PELI2: variants seen among roughly 807,000 people sequenced by gnomAD.
PELI2 encodes E3 ubiquitin-protein ligase pellino homolog 2.
Under a neutral mutation model 42.3 loss-of-function variants are expected in PELI2, and 23 were observed. The ratio of observed to expected loss-of-function variants is 0.54; its 90% CI spans 0.39 to 0.77. The LOEUF is 0.77. Ranked by LOEUF, PELI2 falls within the 30% of genes least tolerant of loss-of-function variation. The probability of loss-of-function intolerance (pLI) is 0.00; values close to 1 mark genes in which losing one functional copy is unlikely to be tolerated. For synonymous variants in PELI2, 245 were observed against 212.2 expected (o/e 1.15, Z -1.34); for missense variants, 463 against 553.2 (o/e 0.84, Z 1.64).
intron 2 of PELI2, among the ~76,000 whole-genome samples, chr14:56,276,798 C>CTA (rs754584419): frequency 3.2e-4 from 48 of 152,180 alleles, no homozygotes; most frequent in Non-Finnish European, 5.4e-4. Context: ...TTCCCCTTTC[C>CTA]TAACCCTGGC....
At chr14:56,185,435 C>A (rs189488238) in intron 2 of PELI2, among the ~76,000 whole-genome samples, 23 of 152,230 alleles carry the variant, frequency 1.5e-4, no homozygotes, top group Admixed American at 7.8e-4. Context: ...TTCAAACCAC[C>A]TAAGTAAAAT....
At chr14:56,161,754 T>C (rs1884773553) in intron 1 of PELI2, among the ~76,000 whole-genome samples, 1 of 152,234 alleles carries the variant, frequency 6.6e-6, no homozygotes, top group African/African-American at 2.4e-5. Context: ...AGTTATATCT[T>C]AAGCAGCTAC....
At chr14:56,228,650 A>C (rs774148704) in intron 2 of PELI2, among the ~76,000 whole-genome samples, 19 of 152,236 alleles carry the variant, frequency 1.2e-4, no homozygotes, top group Non-Finnish European at 2.1e-4. Flanking sequence ...AGATGGCTGA[A>C]TAGGAACAGT....
At chr14:56,294,561 C>T (rs1889936870) in intron 5 of PELI2, among the ~76,000 whole-genome samples, 1 of 152,230 alleles carries the variant, frequency 6.6e-6, no homozygotes, top group Non-Finnish European at 1.5e-5. Flanking sequence ...GCTTCCCATA[C>T]CTCTCTCTTT....
chr14:56,231,588 C>T (rs1437356570), intron 2 of PELI2, among the ~76,000 whole-genome samples: 1 of 152,208 alleles, frequency 6.6e-6, no homozygotes, highest in Non-Finnish European at 1.5e-5. Flanking sequence ...ATACCAGAAT[C>T]TCTGGGACAC....
rs1888884306 is a variant in PELI2 at position 56,265,839 on chromosome 14, A to G, written c.208-13837A>G. Among the ~76,000 whole-genome samples the G allele has an allele frequency of 2.0e-5, 3 of 152,084 alleles. 1 individual carries two copies. Among genetic ancestry groups the G allele is most frequent in the Admixed American group, 1.3e-4 (2 of 15,276 alleles). On this transcript the variant is annotated intron_variant, in intron 2 of 5. Transcript: ENST00000267460. Reference sequence around the variant, plus strand: ...TATAGATGTCATATTTACATATGAAAATATTATCAGCCTCATTAATCATTA... The same window carrying G: ...TATAGATGTCATATTTACATATGAAGATATTATCAGCCTCATTAATCATTA...
intron 2 of PELI2, among the ~76,000 whole-genome samples, chr14:56,186,879 C>G (rs1057011887): frequency 6.6e-6 from 1 of 152,150 alleles, no homozygotes; most frequent in African/African-American, 2.4e-5. Flanking sequence ...ATAGTTCTAT[C>G]TGCATTTATA....
intron 3 of PELI2, among the ~76,000 whole-genome samples, chr14:56,287,863 G>C (rs1889695713): frequency 6.6e-6 from 1 of 152,144 alleles, no homozygotes; most frequent in South Asian, 2.1e-4. Context: ...AGAACTTTGA[G>C]ACCAGAATAA....
chr14:56,218,702 CGT>C (rs111825772), intron 2 of PELI2, among the ~76,000 whole-genome samples: 57,373 of 149,394 alleles, frequency 0.38, 11,513 homozygotes, highest in South Asian at 0.52. Flanking sequence ...CACATGTGTG[CGT>C]GTGTGTGTGT....
intron 2 of PELI2, among the ~76,000 whole-genome samples, chr14:56,231,881 A>G (rs1224614940): frequency 6.6e-6 from 1 of 152,254 alleles, no homozygotes; most frequent in East Asian, 1.9e-4. Flanking sequence ...TAAAGAAGAA[A>G]AGAGAGAAGA....
At chr14:56,125,072 A>G (rs1883201957) in intron 1 of PELI2, among the ~76,000 whole-genome samples, 1 of 152,082 alleles carries the variant, frequency 6.6e-6, no homozygotes, top group Non-Finnish European at 1.5e-5. Context: ...GTGGAGTTGG[A>G]AGGAGAAACT....
chr14:56,143,582 G>A (rs1336548758), intron 1 of PELI2, among the ~76,000 whole-genome samples: 3 of 152,132 alleles, frequency 2.0e-5, no homozygotes, highest in Admixed American at 2.0e-4. Flanking sequence ...TCTTCCGTAA[G>A]GACGGTCTGT....
chr14:56,289,076 T>C (rs1889739943), intron 4 of PELI2, among the ~76,000 whole-genome samples: 1 of 152,210 alleles, frequency 6.6e-6, no homozygotes, highest in South Asian at 2.1e-4. Flanking sequence ...AACACAGACT[T>C]GAATCCCTGC....
chr14:56,255,029 C>T (rs1265000782), intron 2 of PELI2, among the ~76,000 whole-genome samples: 1 of 152,174 alleles, frequency 6.6e-6, no homozygotes, highest in Non-Finnish European at 1.5e-5. Flanking sequence ...CGCTTTTACA[C>T]TGTTGGTGGG....
At chr14:56,126,926 CA>C (rs1358906841) in intron 1 of PELI2, among the ~76,000 whole-genome samples, 1 of 152,148 alleles carries the variant, frequency 6.6e-6, no homozygotes, top group Non-Finnish European at 1.5e-5. Context: ...TGCAACCTGA[CA>C]AGACTGATAG....
rs1266087457 is a variant in PELI2 at position 56,299,124 on chromosome 14, TG to T, written c.*1960del. Reference sequence around the variant, plus strand: ...CTTTTCTTGCTGTATGCCTAGAAAGTGGTTGAAGGATTCTTGATGCCCTAAA... The same window carrying T: ...CTTTTCTTGCTGTATGCCTAGAAAGTGTTGAAGGATTCTTGATGCCCTAAA... On this transcript the variant is annotated 3_prime_UTR_variant, in exon 6 of 6. Coordinates refer to ENST00000267460, the MANE Select transcript of PELI2 (RefSeq NM_021255.3). 6.6e-6 allele frequency: 1 copy of T among 152,150 alleles called. No homozygotes were observed. Among genetic ancestry groups the T allele is most frequent in the Non-Finnish European group, 1.5e-5 (1 of 68,018 alleles). 9.4% of individuals were successfully genotyped at this position (152,150 alleles called of 1,614,324 possible). A position where few individuals can be genotyped will look rare whatever the true frequency, so the allele number is the denominator to read the frequency against.
chr14:56,192,449 G>A (rs941010060), intron 2 of PELI2, among the ~76,000 whole-genome samples: 1 of 152,184 alleles, frequency 6.6e-6, no homozygotes, highest in Non-Finnish European at 1.5e-5. Context: ...CCCGTGCTGT[G>A]CCTTTTAGGA....
chr14:56,123,996 CTG>C (rs1555341507), intron 1 of PELI2, among the ~76,000 whole-genome samples: 1 of 152,126 alleles, frequency 6.6e-6, no homozygotes, highest in Non-Finnish European at 1.5e-5. Context: ...AGAAAAATAA[CTG>C]TGAAAAGGAA....
At chr14:56,234,155 A>T (rs1887694178) in intron 2 of PELI2, among the ~76,000 whole-genome samples, 4 of 152,196 alleles carry the variant, frequency 2.6e-5, no homozygotes, top group Admixed American at 2.6e-4. Flanking sequence ...TGTTGGTGGG[A>T]CTGTAAACTA....
Sources: gnomAD v4.1 joint callset for allele counts (sites outside exome capture counted in the v4.1 genomes callset) on GRCh38, gnomAD v4.1.1 for gene constraint, MANE v1.5 for transcripts, NCBI Gene and HGNC (gene_info 2026-07-23, HGNC 2026-07-21) for gene names.